The following GRIP1 variants were observed in gnomAD, a reference collection of about 807,000 sequenced individuals.
GRIP1 encodes the protein glutamate receptor-interacting protein 1.
A neutral mutation model predicts 129.9 loss-of-function variants in GRIP1; 45 were observed. The observed-to-expected ratio is 0.35, with a 90% CI of 0.27 to 0.44. The LOEUF (loss-of-function observed/expected upper bound fraction) is 0.44, where lower values mean the gene tolerates loss of function less well. GRIP1 is among the 20% of genes least tolerant of loss of function. GRIP1 has a pLI of 1.00. For missense variants in GRIP1, 1,196 were observed against 1,396.8 expected, an observed-to-expected ratio of 0.86 and a Z score of 2.29; for synonymous variants, 530 against 520.8, an observed-to-expected ratio of 1.02 and a Z score of -0.24.
intron 1 of GRIP1, among the ~76,000 whole-genome samples, chr12:66,917,976 GGAGA>G (rs374500998): frequency 2.1e-3 from 288 of 138,192 alleles, no homozygotes; most frequent in East Asian, 3.8e-3. Context: ...ACACACACAC[GGAGA>G]GAGAGAGAGA....
At chr12:66,582,343 C>A (rs1592594706) in intron 2 of GRIP1, among the ~76,000 whole-genome samples, 1 of 141,636 alleles carries the variant, frequency 7.1e-6, no homozygotes, top group Admixed American at 7.1e-5. Context: ...TGAAAACTGG[C>A]ACAAGACAGG....
chr12:66,363,350 C>G (rs879844146), intron 23 of GRIP1, among the ~76,000 whole-genome samples: 20 of 148,946 alleles, frequency 1.3e-4, no homozygotes, highest in Non-Finnish European at 2.8e-4. Context: ...CTCAAGTGAT[C>G]TTCCCACCTC....
At chr12:66,602,790 T>C (rs1392231597) in intron 1 of GRIP1, among the ~76,000 whole-genome samples, 3 of 151,934 alleles carry the variant, frequency 2.0e-5, no homozygotes, top group Admixed American at 6.6e-5. Context: ...GGTTTCCTCA[T>C]TGTTTCATAA....
intron 16 of GRIP1, among the ~76,000 whole-genome samples, chr12:66,401,643 CACA>C: frequency 7.1e-6 from 1 of 141,734 alleles, no homozygotes. Flanking sequence ...CACACACACA[CACA>C]CACACACACA....
At chr12:66,692,297 T>C (rs1187156145) in intron 1 of GRIP1, among the ~76,000 whole-genome samples, 3 of 152,218 alleles carry the variant, frequency 2.0e-5, no homozygotes, top group Admixed American at 2.0e-4. Context: ...GGAGTTCCAA[T>C]TGTGTAACCC....
chr12:66,506,514 CA>C (rs1407508827), intron 7 of GRIP1, among the ~76,000 whole-genome samples: 6 of 152,078 alleles, frequency 3.9e-5, no homozygotes. Flanking sequence ...GAAATCAAGA[CA>C]GGGGTTACAC....
chr12:66,397,098 G>C (rs557376668), intron 16 of GRIP1, among the ~76,000 whole-genome samples: 1 of 100,006 alleles, frequency 1.0e-5, no homozygotes, highest in Non-Finnish European at 1.8e-5. Context: ...GCGATGGAGC[G>C]AGACTCTGTC....
At chr12:66,806,184 T>C (rs554193450), upstream of GRIP1, among the ~76,000 whole-genome samples, 2 of 152,252 alleles carry the variant, frequency 1.3e-5, no homozygotes, top group African/African-American at 2.4e-5. Context: ...TATACCTCTA[T>C]GGATGAGCAA....
intron 11 of GRIP1, 136 bp downstream of exon 11, chr12:66,455,273 A>G: frequency 1.2e-6 from 1 of 817,302 alleles, no homozygotes; most frequent in South Asian, 1.4e-5. Context: ...TTTGGCACAG[A>G]GCTGTTAGCT....
At chr12:66,515,180 C>T (rs1043977196) in intron 7 of GRIP1, among the ~76,000 whole-genome samples, 20 of 151,744 alleles carry the variant, frequency 1.3e-4, no homozygotes, top group Admixed American at 8.6e-4. Context: ...AATAAATGGT[C>T]GTTTCTATTA....
intron 5 of GRIP1, among the ~76,000 whole-genome samples, chr12:66,525,050 C>G (rs1270752845): frequency 6.6e-6 from 1 of 152,096 alleles, no homozygotes; most frequent in Non-Finnish European, 1.5e-5. Flanking sequence ...AGCTTACCAA[C>G]CAAAAAAAGT....
At chr12:66,776,801 G>T (rs2037995696) in intron 1 of GRIP1, among the ~76,000 whole-genome samples, 1 of 152,130 alleles carries the variant, frequency 6.6e-6, no homozygotes, top group Admixed American at 6.6e-5. Context: ...TTGATGAAAT[G>T]CCATAGTGAT....
chr12:66,562,004 G>A (rs959050164), intron 2 of GRIP1, among the ~76,000 whole-genome samples: 1 of 151,948 alleles, frequency 6.6e-6, no homozygotes, highest in African/African-American at 2.4e-5. Context: ...GGATGTGGGG[G>A]TGTTGAGGTG....
At chr12:66,862,638 CTGTCT>C (rs1438526865) in intron 1 of GRIP1, among the ~76,000 whole-genome samples, 1 of 152,010 alleles carries the variant, frequency 6.6e-6, no homozygotes, top group African/African-American at 2.4e-5. Context: ...TCTCTTCTGG[CTGTCT>C]TGTCTCATTT....
chr12:67,066,888 T>TTTTA (rs59891449), intron 1 of GRIP1, among the ~76,000 whole-genome samples: 49 of 125,644 alleles, frequency 3.9e-4, no homozygotes, highest in South Asian at 2.2e-3. Context: ...AAATATATAT[T>TTTTA]TATATATATA....
In GRIP1 at chr12:66,377,022, G is replaced by C; in HGVS notation, c.2773C>G (p.Leu925Val). Residue 925 changes from leucine to valine, a missense_variant, in exon 22 of 25, where the codon CTC becomes GTC. Leu to Val is a conservative substitution (Grantham distance 32, BLOSUM62 1). This residue lies in a region of GRIP1 where 427 missense variants were observed against 463.3 expected (regional missense o/e 0.92). Transcript: ENST00000359742. ...DRRVSLRNMTLLATIMSGSTM... is the reference protein window; with the variant it reads ...DRRVSLRNMTVLATIMSGSTM... ...TAAACATAAAGGGTAGCTACCAAGAGAGTCATGTTTCTCAAAGACACACGC... is the reference window on the plus strand; with the variant it reads ...TAAACATAAAGGGTAGCTACCAAGACAGTCATGTTTCTCAAAGACACACGC... 1 of 1,609,736 alleles carries C rather than the reference G, an allele frequency of 6.2e-7. No individual in the cohort carries two copies. The highest frequency in any genetic ancestry group is 1.1e-5 in the South Asian group (1 of 90,966).
chr12:66,902,820 C>A (rs1016053248), intron 1 of GRIP1, among the ~76,000 whole-genome samples: 1 of 152,246 alleles, frequency 6.6e-6, no homozygotes, highest in South Asian at 2.1e-4. Context: ...CCCTTAAATG[C>A]ATATTGTTGT....
chr12:66,610,107 A>C (rs1258343445), intron 1 of GRIP1, among the ~76,000 whole-genome samples: 2 of 152,136 alleles, frequency 1.3e-5, no homozygotes, highest in African/African-American at 4.8e-5. Context: ...GAAATACAAT[A>C]TTGATACGCA....
At chr12:66,483,822 T>C (rs1399676000) in intron 7 of GRIP1, among the ~76,000 whole-genome samples, 1 of 152,102 alleles carries the variant, frequency 6.6e-6, no homozygotes, top group Non-Finnish European at 1.5e-5. Flanking sequence ...CCCTACTCCT[T>C]TACATTGCTC....
Sources: gnomAD v4.1 joint callset for allele counts (sites outside exome capture counted in the v4.1 genomes callset) on GRCh38, gnomAD v4.1.1 for gene constraint, gnomAD v4.1.1 regional missense constraint, MANE v1.5 for transcripts, NCBI Gene and HGNC (gene_info 2026-07-23, HGNC 2026-07-21) for gene names.